Variants in EMSY observed in about 807,000 individuals in gnomAD.
The protein encoded by EMSY is EMSY transcriptional repressor, BRCA2 interacting.
A neutral mutation model predicts 134.6 loss-of-function variants in EMSY; 26 were observed. The observed-to-expected ratio is 0.19, with a 90% CI of 0.14 to 0.27. The LOEUF is 0.27. Ranked by LOEUF, EMSY falls within the 10% of genes least tolerant of loss-of-function variation. EMSY has a pLI of 1.00. For synonymous variants in EMSY, 579 were observed against 577.8 expected, an observed-to-expected ratio of 1.00 and a Z score of -0.03; for missense variants, 1,305 against 1,611.4, an observed-to-expected ratio of 0.81 and a Z score of 3.26.
intron 4 of EMSY, among the ~76,000 whole-genome samples, chr11:76,455,954 G>A (rs1265758924): frequency 6.6e-6 from 1 of 152,146 alleles, no homozygotes; most frequent in Non-Finnish European, 1.5e-5. Flanking sequence ...CAGTTTCTGT[G>A]TGAGGATGAG....
rs181650017 is a variant in EMSY at position 76,497,480 on chromosome 11, G to A, written c.1363+1011G>A. Among the ~76,000 whole-genome samples, 74 of 152,126 alleles carry A rather than the reference G, an allele frequency of 4.9e-4. 1 individual carries two copies. The East Asian group carries it at 0.012, about 24-fold the overall frequency. On this transcript the variant is annotated intron_variant, in intron 9 of 20. Transcript: ENST00000334736. ...TTCTCCAATGAAGCCATCTGGGCCC[G>A]GAGAGTTCTGTTTTTAGAAGCTTTT... is the stretch of plus-strand genomic sequence containing the variant.
chr11:76,531,577 A>G lies in EMSY; in HGVS notation c.2194+3111A>G, dbSNP rs1201375868. On this transcript the variant is annotated intron_variant, in intron 14 of 20. Coordinates refer to ENST00000334736, the Ensembl canonical transcript of EMSY. The stretch of plus-strand genomic sequence containing the variant: ...ATGATGTCAGTTTGTCCCAGCATAG[A>G]TGATGTTAACATTGATCACTTGGTT... Among the ~76,000 whole-genome samples, 4 of 152,282 alleles carry G rather than the reference A, an allele frequency of 2.6e-5. No homozygotes were observed. In the East Asian group the frequency reaches 7.7e-4, roughly 29 times the overall value.
chr11:76,537,259 GA>G (rs1951256565), intron 15 of EMSY, among the ~76,000 whole-genome samples: 1 of 151,972 alleles, frequency 6.6e-6, no homozygotes, highest in African/African-American at 2.4e-5. Flanking sequence ...TAGAAACAAA[GA>G]AGCCATTTTT....
At chr11:76,489,532 G>C (rs1016875567) in intron 8 of EMSY, among the ~76,000 whole-genome samples, 2 of 151,042 alleles carry the variant, frequency 1.3e-5, no homozygotes, top group Non-Finnish European at 2.9e-5. Flanking sequence ...GTTATCACCA[G>C]TGTTTCCATG....
chr11:76,467,020 T>C (rs1371009982), intron 7 of EMSY, among the ~76,000 whole-genome samples: 1 of 152,238 alleles, frequency 6.6e-6, no homozygotes, highest in Non-Finnish European at 1.5e-5. Flanking sequence ...ATTAATGAGC[T>C]GTTCCAAATA....
At chr11:76,511,994 T>G (rs1407790651) in intron 9 of EMSY, among the ~76,000 whole-genome samples, 3 of 152,216 alleles carry the variant, frequency 2.0e-5, no homozygotes, top group Non-Finnish European at 4.4e-5. Flanking sequence ...GTCATAATTT[T>G]AACAACTTTG....
At chr11:76,519,863 GT>G (rs1950583075) in intron 11 of EMSY, among the ~76,000 whole-genome samples, 1 of 152,048 alleles carries the variant, frequency 6.6e-6, no homozygotes, top group South Asian at 2.1e-4. Context: ...TATCTCGATT[GT>G]TTTATAAGTG....
chr11:76,530,157 T>G (rs1164573125), intron 14 of EMSY, among the ~76,000 whole-genome samples: 1 of 145,650 alleles, frequency 6.9e-6, no homozygotes, highest in Non-Finnish European at 1.5e-5. Flanking sequence ...TCTTTAGGGT[T>G]TTTTTTTTTT....
chr11:76,515,433 A>T lies in EMSY; in HGVS notation c.1514-709A>T, dbSNP rs373923353. Among the ~76,000 whole-genome samples the T allele has an allele frequency of 1.6e-4, 25 of 152,298 alleles. No homozygotes were observed. In the East Asian group the frequency reaches 4.8e-3, roughly 29 times the overall value. ...AGCTTTTAATTCCTGTTTGGAGAAA[A>T]GAAAAAAGTGTTAGAAATAGTGGGG... On this transcript the variant is annotated intron_variant, in intron 10 of 20. Transcript: ENST00000334736.
intron 17 of EMSY, among the ~76,000 whole-genome samples, chr11:76,541,679 A>C (rs1015433418): frequency 6.6e-6 from 1 of 152,224 alleles, no homozygotes; most frequent in Non-Finnish European, 1.5e-5. Context: ...AGACCTTTAG[A>C]TTTTTAGGAA....
chr11:76,542,757 T>TTTGTTTTG (rs1489144860), intron 18 of EMSY, among the ~76,000 whole-genome samples: 2 of 150,180 alleles, frequency 1.3e-5, no homozygotes, highest in African/African-American at 4.9e-5. Flanking sequence ...TTTTTTGTTT[T>TTTGTTTTG]TTTTTTTTTT....
chr11:76,540,039 T>C (rs1439762756), intron 17 of EMSY, among the ~76,000 whole-genome samples: 1 of 152,198 alleles, frequency 6.6e-6, no homozygotes, highest in South Asian at 2.1e-4. Flanking sequence ...CAGTGGGTAC[T>C]AGTTCTCTCT....
chr11:76,538,056 T>G, intron 16 of EMSY, 106 bp downstream of exon 17: 1 of 1,060,800 alleles, frequency 9.4e-7, no homozygotes, highest in Non-Finnish European at 1.3e-6. Flanking sequence ...TTTAGCTTTT[T>G]CCTCTTTGTT....
exon 5 of EMSY, chr11:76,458,268 G>T (rs746284940): frequency 1.9e-6 from 3 of 1,614,016 alleles, no homozygotes; most frequent in Non-Finnish European, 2.5e-6. Flanking sequence ...TCCCCAAACC[G>T]CCTTTACTGT....
chr11:76,466,064 G>GAT lies in EMSY; in HGVS notation c.831+1992_831+1993dup, dbSNP rs1305919624. 5.9e-5 allele frequency among the ~76,000 whole-genome samples: 9 copies of GAT among 152,270 alleles called. No homozygotes were observed. In the East Asian group the frequency reaches 1.5e-3, roughly 26 times the overall value. On this transcript the variant is annotated intron_variant, in intron 7 of 20. Coordinates refer to ENST00000334736, the Ensembl canonical transcript of EMSY. The stretch of plus-strand genomic sequence containing the variant: ...AGGGCTGGGTGGGCTCACCATTCAT[G>GAT]ATATATATACTTTACTTATCTCCTC...
intron 2 of EMSY, 150 bp downstream of exon 2, chr11:76,447,158 C>T: frequency 1.4e-6 from 1 of 696,338 alleles, no homozygotes; most frequent in South Asian, 2.0e-5. Flanking sequence ...TGTTGTTTCC[C>T]TCAGTGCCTA....
intron 4 of EMSY, among the ~76,000 whole-genome samples, chr11:76,456,994 G>C (rs976205501): frequency 1.3e-5 from 2 of 152,036 alleles, no homozygotes. Context: ...GTGACCTTAG[G>C]CAAGTTATTT....
chr11:76,460,326 T>G (rs955320802), intron 6 of EMSY: 16 of 372,764 alleles, frequency 4.3e-5, no homozygotes, highest in African/African-American at 2.8e-4. Context: ...GCCTTTGAAC[T>G]GTGTTATCCT....
At chr11:76,468,694 A>T (rs1948455875) in intron 7 of EMSY, among the ~76,000 whole-genome samples, 1 of 152,256 alleles carries the variant, frequency 6.6e-6, no homozygotes, top group African/African-American at 2.4e-5. Flanking sequence ...TTCAAATTCA[A>T]ATAGGTAATA....
Sources: gnomAD v4.1 joint callset for allele counts (sites outside exome capture counted in the v4.1 genomes callset) on GRCh38, gnomAD v4.1.1 for gene constraint, MANE v1.5 for transcripts, NCBI Gene and HGNC (gene_info 2026-07-23, HGNC 2026-07-21) for gene names.